KPNA3: variants seen among roughly 807,000 people sequenced by gnomAD.
The protein encoded by KPNA3 is karyopherin subunit alpha 3.
A neutral mutation model predicts 73.8 loss-of-function variants in KPNA3; 13 were observed. The observed-to-expected ratio is 0.18, with a 90% CI of 0.11 to 0.28. The LOEUF (loss-of-function observed/expected upper bound fraction) is 0.28, where lower values mean the gene tolerates loss of function less well. Among genes scored for constraint, KPNA3 ranks in the 10% least tolerant of loss-of-function variants. The probability of loss-of-function intolerance (pLI) is 1.00; values close to 1 mark genes in which losing one functional copy is unlikely to be tolerated. For missense variants in KPNA3, 360 were observed against 618.1 expected, an observed-to-expected ratio of 0.58 and a Z score of 4.43; for synonymous variants, 186 against 206.9, an observed-to-expected ratio of 0.90 and a Z score of 0.87.
chr13:49,752,691 C>T (rs1264247311), intron 1 of KPNA3, among the ~76,000 whole-genome samples: 1 of 151,870 alleles, frequency 6.6e-6, no homozygotes, highest in Non-Finnish European at 1.5e-5. Context: ...TTAAGAGAAA[C>T]AGAATATGTA....
At chr13:49,738,272 A>G (rs1427560763) in intron 2 of KPNA3, among the ~76,000 whole-genome samples, 4 of 152,190 alleles carry the variant, frequency 2.6e-5, no homozygotes, top group African/African-American at 9.6e-5. Flanking sequence ...GCTATATACT[A>G]TAAGCTTTCA....
chr13:49,761,736 C>A (rs1304687162), intron 1 of KPNA3, among the ~76,000 whole-genome samples: 77 of 123,372 alleles, frequency 6.2e-4, no homozygotes, highest in Admixed American at 9.0e-4. Context: ...TGCCCGGCTG[C>A]CCAGTCTGGG....
intron 1 of KPNA3, among the ~76,000 whole-genome samples, chr13:49,766,413 T>C (rs980928592): frequency 6.6e-6 from 1 of 152,208 alleles, no homozygotes; most frequent in African/African-American, 2.4e-5. Flanking sequence ...TTAGGAGACA[T>C]AAGACTGACG....
intron 6 of KPNA3, among the ~76,000 whole-genome samples, chr13:49,730,519 CAAAAAAAAAAAAAAAAAAAAA>C (rs55725741): frequency 1.1e-4 from 3 of 27,280 alleles, no homozygotes; most frequent in Admixed American, 6.9e-4. Flanking sequence ...GACTCTGTCT[CAAAAAAAAAAAAAAAAAAAAA>C]AAAAAAAAAA....
intron 7 of KPNA3, among the ~76,000 whole-genome samples, chr13:49,722,921 C>T (rs575922163): frequency 1.3e-5 from 2 of 149,854 alleles, no homozygotes; most frequent in Non-Finnish European, 3.0e-5. Context: ...ATTCCTGATA[C>T]GGGGATTAAC....
In KPNA3 at chr13:49,704,702, CAT is replaced by C. The variant is rs1397000095; in HGVS notation, c.1372+917_1372+918del. Reference sequence around the variant, plus strand: ...AAACAGAATTTTAACATATGTTTCACATGTCATTAAAGAATAATACAGTATGT... The same window carrying C: ...AAACAGAATTTTAACATATGTTTCACGTCATTAAAGAATAATACAGTATGT... On this transcript the variant is annotated intron_variant, in intron 15 of 16. Coordinates refer to ENST00000261667, the MANE Select transcript of KPNA3 (RefSeq NM_002267.4). Among the ~76,000 whole-genome samples the C allele has an allele frequency of 1.1e-4, 16 of 152,138 alleles. No individual in the cohort carries two copies. In the East Asian group the frequency reaches 1.5e-3, roughly 15 times the overall value.
At chr13:49,780,011 C>G (rs1168094735) in intron 1 of KPNA3, among the ~76,000 whole-genome samples, 1 of 152,104 alleles carries the variant, frequency 6.6e-6, no homozygotes. Flanking sequence ...CCATTTTCAC[C>G]TCTTCTCCTA....
In KPNA3 at chr13:49,722,111, T is replaced by C. The variant is rs906619900; in HGVS notation, c.570A>G (p.Gln190=). The C allele has an allele frequency of 4.5e-6, 7 of 1,562,428 alleles. No homozygotes were observed. The highest frequency in any genetic ancestry group is 4.3e-6 in the Non-Finnish European group (5 of 1,156,964). The change falls in exon 9 of 17, where the codon CAA becomes CAG. Residue 190 remains glutamine, a synonymous_variant. Transcript: ENST00000261667. The part of the protein sequence containing the change: ...ALGNIIGDGP[Q]CRDYVISLGV... ...CCAGTGATATGACATAATCTCTACA[T>C]TGAGGACCATCACCTACAGAAATGA...
At chr13:49,730,444 C>T (rs1279226990) in intron 6 of KPNA3, among the ~76,000 whole-genome samples, 3 of 133,086 alleles carry the variant, frequency 2.3e-5, no homozygotes, top group African/African-American at 5.7e-5. Flanking sequence ...CGCTTGAACC[C>T]GGGAGGCAGA....
rs762963084 is a variant in KPNA3 at position 49,792,499 on chromosome 13, T to C, written c.8A>G (p.Glu3Gly). 3 of 1,571,420 alleles carry C rather than the reference T, an allele frequency of 1.9e-6. No individual in the cohort carries two copies. Among genetic ancestry groups the C allele is most frequent in the Non-Finnish European group, 2.6e-6 (3 of 1,157,818 alleles). ...GCGGTGGTTCTCCAAGCTGGGGTTC[T>C]CGGCCATGGCTGCGCGCGGCTCCGG... is the stretch of plus-strand genomic sequence containing the variant. Reference protein sequence around the residue: MAENPSLENHRIK... With the variant: MAGNPSLENHRIK... The change falls in exon 1 of 17, where the codon GAG becomes GGG. Residue 3 changes from glutamate to glycine, a missense_variant. Transcript: ENST00000261667.
intron 1 of KPNA3, among the ~76,000 whole-genome samples, chr13:49,756,755 C>T (rs1954715264): frequency 6.6e-6 from 1 of 152,076 alleles, no homozygotes; most frequent in Admixed American, 6.5e-5. Flanking sequence ...ATAGTTAAAA[C>T]AATTCTGAAA....
At chr13:49,763,749 C>T (rs1471287921) in intron 1 of KPNA3, among the ~76,000 whole-genome samples, 1 of 152,092 alleles carries the variant, frequency 6.6e-6, no homozygotes, top group African/African-American at 2.4e-5. Flanking sequence ...GCCTGGCCAA[C>T]TTGGTGAAAC....
intron 1 of KPNA3, among the ~76,000 whole-genome samples, chr13:49,763,003 C>T (rs999379674): frequency 1.0e-4 from 15 of 148,394 alleles, no homozygotes; most frequent in Non-Finnish European, 1.5e-5. Context: ...GAAATGAAAA[C>T]TATGAAGGTA....
chr13:49,759,021 G>C (rs1954736009), intron 1 of KPNA3, among the ~76,000 whole-genome samples: 1 of 152,080 alleles, frequency 6.6e-6, no homozygotes, highest in African/African-American at 2.4e-5. Context: ...CGAGACTAGA[G>C]TCTTGTAAAA....
chr13:49,710,254 T>A (rs1954248137), intron 11 of KPNA3, among the ~76,000 whole-genome samples: 1 of 152,126 alleles, frequency 6.6e-6, no homozygotes, highest in South Asian at 2.1e-4. Context: ...AGAACAAGAC[T>A]CCATCTCAAA....
chr13:49,776,866 A>G (rs1954902096), intron 1 of KPNA3, among the ~76,000 whole-genome samples: 1 of 152,236 alleles, frequency 6.6e-6, no homozygotes, highest in Admixed American at 6.5e-5. Flanking sequence ...CAAGATACAT[A>G]TAGTCATGGA....
chr13:49,726,989 T>C (rs888561516), intron 6 of KPNA3, among the ~76,000 whole-genome samples: 1 of 151,454 alleles, frequency 6.6e-6, no homozygotes, highest in African/African-American at 2.4e-5. Flanking sequence ...TAAAAGGAAA[T>C]GATAGATATT....
At chr13:49,781,572 T>C (rs1403977107) in intron 1 of KPNA3, among the ~76,000 whole-genome samples, 1 of 152,228 alleles carries the variant, frequency 6.6e-6, no homozygotes, top group Non-Finnish European at 1.5e-5. Context: ...CAGTAAAGAA[T>C]TCGAATAGCT....
At chr13:49,730,960 T>G (rs1443521759) in intron 6 of KPNA3, among the ~76,000 whole-genome samples, 1 of 151,028 alleles carries the variant, frequency 6.6e-6, no homozygotes, top group East Asian at 1.9e-4. Flanking sequence ...TTAATATTTT[T>G]TAATAGAGAC....
Sources: allele counts gnomAD v4.1 joint callset (sites outside exome capture counted in the v4.1 genomes callset), GRCh38; gene constraint gnomAD v4.1.1; transcripts MANE v1.5; gene names NCBI Gene and HGNC (gene_info 2026-07-23, HGNC 2026-07-21).